Variants in FANCD2OS observed in about 807,000 individuals in gnomAD.
FANCD2OS encodes FANCD2 opposite strand.
Under a neutral mutation model 13.2 loss-of-function variants are expected in FANCD2OS, and 11 were observed. The ratio of observed to expected loss-of-function variants is 0.83; its 90% confidence interval spans 0.52 to 1.38. The LOEUF (loss-of-function observed/expected upper bound fraction) is 1.38. Ranked by LOEUF, FANCD2OS falls within the 40% of genes most tolerant of loss-of-function variation. The pLI, the probability that FANCD2OS is intolerant of heterozygous loss-of-function variation, is 0.00. For missense variants in FANCD2OS, 217 were observed against 213.9 expected, an observed-to-expected ratio of 1.01 and a Z score of -0.09; for synonymous variants, 69 against 84.5, an observed-to-expected ratio of 0.82 and a Z score of 1.01.
At chr3:10,092,739 C>G (rs1334191542) in intron 2 of FANCD2OS, among the ~76,000 whole-genome samples, 1 of 129,398 alleles carries the variant, frequency 7.7e-6, no homozygotes, top group Non-Finnish European at 1.5e-5. Context: ...GTTGTCCAGG[C>G]TGGAATGCAG....
intron 2 of FANCD2OS, among the ~76,000 whole-genome samples, chr3:10,092,875 G>A (rs1284396521): frequency 6.6e-6 from 1 of 151,242 alleles, no homozygotes; most frequent in Non-Finnish European, 1.5e-5. Context: ...TATTTTTTGT[G>A]GAAACAGGGT....
intron 2 of FANCD2OS, chr3:10,094,974 T>G (rs1427084866): frequency 1.8e-6 from 1 of 558,562 alleles, no homozygotes; most frequent in East Asian, 3.0e-5. Flanking sequence ...AAAACTAAAA[T>G]GCAGGTCTTA....
Position 10,092,092 on chromosome 3 carries a change from T to C in FANCD2OS, c.*44-10561A>G. On this transcript the variant is annotated intron_variant, in intron 2 of 2. Coordinates refer to the FANCD2OS transcript ENST00000524279. ...ATTGGCTTAAATATCTGTATAGCTA[T>C]GTAATTCAAGAACTATATCTTAGTG... The C allele has an allele frequency of 5.4e-6, 5 of 934,454 alleles. No homozygotes were observed. In the South Asian group the frequency reaches 6.4e-5, roughly 12 times the overall value. The allele number at this position is 934,454 out of a possible 1,614,324, so 57.9% of individuals were successfully genotyped here.
intron 2 of FANCD2OS, among the ~76,000 whole-genome samples, chr3:10,084,138 C>A (rs1254827707): frequency 1.3e-5 from 2 of 151,662 alleles, no homozygotes; most frequent in Non-Finnish European, 2.9e-5. Flanking sequence ...AGATTACATG[C>A]GCCTGCCACT....
chr3:10,105,767 AAAAATTATATATAT>A (rs1281095011), intron 1 of FANCD2OS, among the ~76,000 whole-genome samples: 1 of 53,422 alleles, frequency 1.9e-5, no homozygotes, highest in African/African-American at 2.2e-4. Flanking sequence ...AAAAAAAAAA[AAAAATTATATATAT>A]ATATATATAT....
chr3:10,096,784 T>A (rs1694992559), intron 2 of FANCD2OS, among the ~76,000 whole-genome samples: 1 of 152,094 alleles, frequency 6.6e-6, no homozygotes, highest in South Asian at 2.1e-4. Context: ...CCACTGAGGG[T>A]AGATTCATAA....
chr3:10,090,503 A>G (rs1019954618), intron 2 of FANCD2OS: 2 of 644,786 alleles, frequency 3.1e-6, no homozygotes, highest in Non-Finnish European at 2.6e-6. Flanking sequence ...TCTGTTGCCC[A>G]GACTGGAGTG....
At chr3:10,088,108 C>T (rs1450585550) in intron 2 of FANCD2OS, among the ~76,000 whole-genome samples, 1 of 152,192 alleles carries the variant, frequency 6.6e-6, no homozygotes, top group East Asian at 1.9e-4. Flanking sequence ...GTGACCACTG[C>T]TATTGGCCAG....
intron 1 of FANCD2OS, 40 bp from the exon 2 acceptor site, chr3:10,104,822 G>C: frequency 6.6e-7 from 1 of 1,511,064 alleles, no homozygotes; most frequent in Non-Finnish European, 8.9e-7. Flanking sequence ...TCCCTGACAT[G>C]CTTTTCATGA....
At chr3:10,085,718 TA>T in intron 2 of FANCD2OS, 1 of 850,248 alleles carries the variant, frequency 1.2e-6, no homozygotes, top group Non-Finnish European at 2.0e-6. Context: ...ACCGTTAAAC[TA>T]TTGATGGTAC....
intron 2 of FANCD2OS, among the ~76,000 whole-genome samples, chr3:10,089,561 C>A (rs537311400): frequency 6.6e-6 from 1 of 152,092 alleles, no homozygotes; most frequent in Non-Finnish European, 1.5e-5. Context: ...CCTCCACCTC[C>A]TGGGTTCAAA....
chr3:10,102,132 G>A (rs561956900), downstream of FANCD2OS, among the ~76,000 whole-genome samples: 1 of 149,110 alleles, frequency 6.7e-6, no homozygotes, highest in East Asian at 2.0e-4. Flanking sequence ...ACTTGATCTT[G>A]ATCTTCTTTC....
At chr3:10,094,432 T>TCCCAGCCCCAC in intron 2 of FANCD2OS, 2 of 1,344,748 alleles carry the variant, frequency 1.5e-6, no homozygotes, top group Non-Finnish European at 2.1e-6. Flanking sequence ...CCTTGGTGAC[T>TCCCAGCCCCAC]CCTGGGTGGG....
downstream of FANCD2OS, among the ~76,000 whole-genome samples, chr3:10,101,030 C>T (rs1341266853): frequency 6.6e-6 from 1 of 151,560 alleles, no homozygotes; most frequent in Non-Finnish European, 1.5e-5. Flanking sequence ...GATCATGCCA[C>T]TGCATTCCAG....
At chr3:10,090,387 T>G in intron 2 of FANCD2OS, 1 of 1,593,512 alleles carries the variant, frequency 6.3e-7, no homozygotes, top group Non-Finnish European at 8.6e-7. Context: ...TCGCAGCAGG[T>G]GAGTAAGATA....
chr3:10,098,779 C>T (rs748142616), downstream of FANCD2OS: 28 of 1,614,068 alleles, frequency 1.7e-5, no homozygotes, highest in Non-Finnish European at 2.2e-5. Context: ...GTGAGGATGA[C>T]ATGTCATCCC....
chr3:10,099,452 A>G (rs1486112254), downstream of FANCD2OS: 4 of 481,640 alleles, frequency 8.3e-6, no homozygotes, highest in South Asian at 6.9e-5. Context: ...ACAAGACCCT[A>G]TCTCCACAAA....
At chr3:10,100,263 G>A (rs901396503), downstream of FANCD2OS, among the ~76,000 whole-genome samples, 2 of 152,180 alleles carry the variant, frequency 1.3e-5, no homozygotes, top group Non-Finnish European at 2.9e-5. Flanking sequence ...AGAATTTGAG[G>A]CAGACAATAT....
exon 3 of FANCD2OS, chr3:10,081,517 A>T: frequency 8.3e-7 from 1 of 1,197,626 alleles, no homozygotes; most frequent in East Asian, 2.3e-5. Context: ...CTTTTATTTG[A>T]CAGTCACCAA....
Sources: allele counts gnomAD v4.1 joint callset (sites outside exome capture counted in the v4.1 genomes callset), GRCh38; gene constraint gnomAD v4.1.1; transcripts MANE v1.5; gene names NCBI Gene and HGNC (gene_info 2026-07-23, HGNC 2026-07-21).